Variants in AGBL1 observed in about 807,000 individuals in gnomAD.
The protein encoded by AGBL1 is AGBL carboxypeptidase 1, also known as cytosolic carboxypeptidase 4.
Under a neutral mutation model 118.9 loss-of-function variants are expected in AGBL1, and 130 were observed. That is an observed-to-expected ratio of 1.09 (90% CI 0.95 to 1.26). The LOEUF is 1.26. Ranked by LOEUF, AGBL1 falls within the 50% of genes most tolerant of loss-of-function variation. The pLI is 0.00. For missense variants in AGBL1, 1,584 were observed against 1,298.1 expected (o/e 1.22, Z -3.38); for synonymous variants, 555 against 478.9 (o/e 1.16, Z -2.08).
At chr15:86,560,700 T>C (rs952216148) in intron 21 of AGBL1, among the ~76,000 whole-genome samples, 2 of 152,222 alleles carry the variant, frequency 1.3e-5, no homozygotes, top group Non-Finnish European at 2.9e-5. Context: ...TTCTAGATCC[T>C]TGAGGAATCG....
At chr15:86,660,092 A>T (rs2142513759) in intron 21 of AGBL1, among the ~76,000 whole-genome samples, 1 of 151,766 alleles carries the variant, frequency 6.6e-6, no homozygotes, top group South Asian at 2.1e-4. Flanking sequence ...TTTATCTAGT[A>T]AGCAGAACCA....
intron 22 of AGBL1, among the ~76,000 whole-genome samples, chr15:86,691,463 A>G (rs1251312826): frequency 6.6e-6 from 1 of 152,080 alleles, no homozygotes; most frequent in African/African-American, 2.4e-5. Flanking sequence ...GCATTGGCCA[A>G]TTACTGGGAG....
chr15:86,891,012 A>G, intron 22 of AGBL1, among the ~76,000 whole-genome samples: 1 of 152,196 alleles, frequency 6.6e-6, no homozygotes, highest in African/African-American at 2.4e-5. Flanking sequence ...CACTATATTA[A>G]TTCTTCCTAT....
intron 21 of AGBL1, among the ~76,000 whole-genome samples, chr15:86,664,732 C>T (rs1236764562): frequency 1.3e-5 from 2 of 152,034 alleles, no homozygotes; most frequent in African/African-American, 4.8e-5. Flanking sequence ...GCCTAACCAG[C>T]TCATTCCTTT....
intron 22 of AGBL1, among the ~76,000 whole-genome samples, chr15:86,804,916 C>A (rs1306590987): frequency 6.6e-6 from 1 of 152,082 alleles, no homozygotes; most frequent in Non-Finnish European, 1.5e-5. Flanking sequence ...AAACCAAGAG[C>A]TCAAAGCTAA....
At chr15:86,942,079 A>C (rs1249028033) in intron 23 of AGBL1, among the ~76,000 whole-genome samples, 1 of 152,210 alleles carries the variant, frequency 6.6e-6, no homozygotes, top group Non-Finnish European at 1.5e-5. Flanking sequence ...CTTGATCCAG[A>C]GAGTTGAGAA....
chr15:87,017,599 A>C (rs2081620364), intron 24 of AGBL1, among the ~76,000 whole-genome samples: 1 of 152,152 alleles, frequency 6.6e-6, no homozygotes, highest in South Asian at 2.1e-4. Flanking sequence ...GAAAACAACA[A>C]AAACAACATC....
At chr15:87,011,210 AC>A (rs112842001) in intron 24 of AGBL1, among the ~76,000 whole-genome samples, 15,063 of 152,146 alleles carry the variant, frequency 0.099, 1,327 homozygotes, top group African/African-American at 0.23. Context: ...TGTCAGGACA[AC>A]CCCTAACTGT....
At chr15:86,265,717 T>A (rs1038596763) in intron 11 of AGBL1, among the ~76,000 whole-genome samples, 1 of 152,222 alleles carries the variant, frequency 6.6e-6, no homozygotes, top group African/African-American at 2.4e-5. Flanking sequence ...AGCACCATGT[T>A]ATCCCTGCAT....
chr15:86,297,613 A>G (rs33987779), intron 17 of AGBL1, among the ~76,000 whole-genome samples: 45,852 of 152,118 alleles, frequency 0.3, 7,426 homozygotes, highest in Admixed American at 0.39. Flanking sequence ...CTCTGTTTCC[A>G]AATTATGCAT....
At chr15:86,665,171 G>T (rs115915999) in intron 21 of AGBL1, among the ~76,000 whole-genome samples, 1 of 152,014 alleles carries the variant, frequency 6.6e-6, no homozygotes, top group Admixed American at 6.6e-5. Flanking sequence ...TATTTCCACG[G>T]TGTGAATTCA....
chr15:86,833,431 A>G (rs1465126520), intron 22 of AGBL1, among the ~76,000 whole-genome samples: 1 of 152,080 alleles, frequency 6.6e-6, no homozygotes, highest in African/African-American at 2.4e-5. Flanking sequence ...AGTAAGTCTC[A>G]GAAGATCTGA....
intron 21 of AGBL1, among the ~76,000 whole-genome samples, chr15:86,667,364 A>G (rs889224840): frequency 6.6e-6 from 1 of 151,998 alleles, no homozygotes; most frequent in African/African-American, 2.4e-5. Context: ...ATTATAAAAT[A>G]AATTATGAAA....
chr15:86,114,834 C>T (rs995004142), intron 1 of AGBL1, among the ~76,000 whole-genome samples: 4 of 152,176 alleles, frequency 2.6e-5, no homozygotes, highest in Non-Finnish European at 5.9e-5. Flanking sequence ...TGCTGAGGTC[C>T]AACGCTACAA....
At chr15:86,337,534 G>A (rs1417001384) in intron 17 of AGBL1, among the ~76,000 whole-genome samples, 1 of 152,150 alleles carries the variant, frequency 6.6e-6, no homozygotes, top group Admixed American at 6.5e-5. Context: ...TATTAAAAAG[G>A]AATGAGATCA....
chr15:86,232,413 C>A (rs2078471030), intron 6 of AGBL1, among the ~76,000 whole-genome samples: 1 of 152,158 alleles, frequency 6.6e-6, no homozygotes, highest in Admixed American at 6.5e-5. Flanking sequence ...ATTTGTTTAT[C>A]AGGAGGTTAT....
At chr15:86,611,584 T>C (rs1361456482) in intron 21 of AGBL1, among the ~76,000 whole-genome samples, 3 of 152,158 alleles carry the variant, frequency 2.0e-5, no homozygotes, top group Admixed American at 2.0e-4. Context: ...CAAGGTGAAT[T>C]GCATCCTGTT....
At chr15:86,692,373 A>G (rs898870545) in intron 22 of AGBL1, among the ~76,000 whole-genome samples, 2 of 152,026 alleles carry the variant, frequency 1.3e-5, no homozygotes, top group African/African-American at 2.4e-5. Context: ...GCACCTTGGG[A>G]AAAGCAGAAG....
chr15:86,439,121 T>G (rs1567260365), intron 18 of AGBL1, among the ~76,000 whole-genome samples: 1 of 152,112 alleles, frequency 6.6e-6, no homozygotes, highest in East Asian at 1.9e-4. Context: ...AATGGGGCAG[T>G]GTATACAGGG....
Sources: gnomAD v4.1 joint callset for allele counts (sites outside exome capture counted in the v4.1 genomes callset) on GRCh38, gnomAD v4.1.1 for gene constraint, MANE v1.5 for transcripts, NCBI Gene and HGNC (gene_info 2026-07-23, HGNC 2026-07-21) for gene names.